TRIM7: variants seen among roughly 807,000 people sequenced by gnomAD.
TRIM7 encodes the protein E3 ubiquitin-protein ligase TRIM7.
In TRIM7, 32 loss-of-function variants were observed where a neutral mutation model predicts 37.9. The ratio of observed to expected loss-of-function variants is 0.84; its 90% CI spans 0.64 to 1.13. The LOEUF (loss-of-function observed/expected upper bound fraction) is 1.13, where lower values mean the gene tolerates loss of function less well. Among genes scored for constraint, TRIM7 ranks in the 50% most tolerant of loss-of-function variants. The probability of loss-of-function intolerance (pLI) is 0.00; values close to 1 mark genes in which losing one functional copy is unlikely to be tolerated. For synonymous variants in TRIM7, 351 were observed against 321.3 expected (o/e 1.09, Z -0.99); for missense variants, 732 against 714.0 (o/e 1.03, Z -0.29).
chr5:181,201,211 G>C (rs1757465704), intron 2 of TRIM7, among the ~76,000 whole-genome samples: 1 of 152,164 alleles, frequency 6.6e-6, no homozygotes, highest in Non-Finnish European at 1.5e-5. Context: ...TGCCTTGTAG[G>C]ACATTTAGCC....
At chr5:181,195,708 A>T in intron 6 of TRIM7, 31 bp from the exon 7 acceptor site, 1 of 1,507,232 alleles carries the variant, frequency 6.6e-7, no homozygotes, top group Non-Finnish European at 8.9e-7. Context: ...AAATGTCCCC[A>T]CGCAGCCAGG....
At position 181,199,941 on chromosome 5, in the gene TRIM7, C is replaced by T. The variant is rs929371157; in HGVS notation, c.759G>A (p.Leu253=). 1 of 1,614,276 alleles carries T rather than the reference C, an allele frequency of 6.2e-7. No homozygotes were observed. Among genetic ancestry groups the T allele is most frequent in the Non-Finnish European group, 8.5e-7 (1 of 1,180,056 alleles). The change falls in exon 3 of 7, where the codon CTG becomes CTA. Residue 253 remains leucine (L), a synonymous_variant. Transcript: ENST00000274773. ...REVAQKQNEN[L]AQLGVEITQL... is the part of the protein sequence containing the mutation. The stretch of plus-strand genomic sequence containing the variant: ...GGGTGATCTCAACCCCGAGCTGGGC[C>T]AGGTTCTCATTCTGCTTCTGTGCCA...
In TRIM7 at chr5:181,195,564, A is replaced by G. The variant is rs1440664975; in HGVS notation, c.1138T>C (p.Phe380Leu). ...GCCAGGACGCGGGTGTTGGTGTCGAAGCGGCAGGGGTGGTTGGGCAGGTCC... is the reference window on the plus strand; with the variant it reads ...GCCAGGACGCGGGTGTTGGTGTCGAGGCGGCAGGGGTGGTTGGGCAGGTCC... ...AQDLPNHPCR[F>L]DTNTRVLASC... Residue 380 changes from phenylalanine (F) to leucine (L), a missense_variant, in exon 7 of 7, where the codon TTC becomes CTC. Transcript: ENST00000274773. The G allele has an allele frequency of 6.2e-7, 1 of 1,610,248 alleles. No individual in the cohort carries two copies. The highest frequency in any genetic ancestry group is 8.5e-7 in the Non-Finnish European group (1 of 1,177,518).
rs761384925 is a variant in TRIM7, at chr5:181,204,709, G to A, written c.402C>T (p.Gly134=). The change falls in exon 1 of 7, where the codon GGC becomes GGT. Residue 134 remains glycine (G), a synonymous_variant. Coordinates refer to ENST00000274773, the MANE Select transcript of TRIM7 (RefSeq NM_203293.3). ...RAAAARCGQH[G]EPFKLYCQDD... Reference sequence around the variant, plus strand: ...CCTGGCAGTAGAGCTTGAAGGGTTCGCCATGCTGCCCGCAGCGGGCAGCCG... The same window carrying A: ...CCTGGCAGTAGAGCTTGAAGGGTTCACCATGCTGCCCGCAGCGGGCAGCCG... 20 of 1,490,644 alleles carry A rather than the reference G, an allele frequency of 1.3e-5. No individual in the cohort carries two copies. The African/African-American group carries it at 2.9e-4, about 22-fold the overall frequency. The allele number at this position is 1,490,644 out of a possible 1,614,324, so 92.3% of individuals were successfully genotyped here. A position where few individuals can be genotyped will look rare whatever the true frequency, so the allele number is the denominator to read the frequency against.
In TRIM7 at chr5:181,199,537, C is replaced by CT. The variant is rs202050748; in HGVS notation, c.849+313dup. 1,963 of 456,888 alleles carry CT rather than the reference C, an allele frequency of 4.3e-3. 11 individuals carry two copies. Among genetic ancestry groups the CT allele is most frequent in the African/African-American group, 0.021 (1,082 of 50,362 alleles). The allele number at this position is 456,888 out of a possible 1,614,324, so 28.3% of individuals were successfully genotyped here. The stretch of plus-strand genomic sequence containing the variant: ...GTGAAGTTTATCTAGTTGTTTATAA[C>CT]TTTTTTTTTAGCGAAATAGAATAGA... On this transcript the variant is annotated intron_variant, in intron 3 of 6. Coordinates refer to ENST00000274773, the MANE Select transcript of TRIM7 (RefSeq NM_203293.3).
At chr5:181,202,720 C>G (rs1375195694) in intron 2 of TRIM7, 1 of 151,698 alleles carries the variant, frequency 6.6e-6, no homozygotes, top group East Asian at 1.9e-4. Context: ...GCGCCCGCCA[C>G]CACGCCCGGC....
chr5:181,205,006 G>T lies in TRIM7; in HGVS notation c.105C>A (p.Leu35=). Residue 35 remains leucine (L), a synonymous_variant, in exon 1 of 7, where the codon CTC becomes CTA. Transcript: ENST00000274773. ...ACTCGACGGACACCGGCTCACGAAA[G>T]AGCTCTAGGCAGATGGAGCACGTCG... ...GEATCSICLE[L]FREPVSVECG... The T allele has an allele frequency of 6.7e-7, 1 of 1,487,346 alleles. No individual in the cohort carries two copies. Among genetic ancestry groups the T allele is most frequent in the Non-Finnish European group, 8.9e-7 (1 of 1,127,154 alleles). The allele number at this position is 1,487,346 out of a possible 1,614,324, so 92.1% of individuals were successfully genotyped here.
chr5:181,204,869 C>T lies in TRIM7; in HGVS notation c.242G>A (p.Cys81Tyr), dbSNP rs1203855120. The T allele has an allele frequency of 1.3e-5, 17 of 1,347,150 alleles. No individual in the cohort carries two copies. Among genetic ancestry groups the T allele is most frequent in the Non-Finnish European group, 1.6e-5 (17 of 1,059,628 alleles). 83.4% of individuals were successfully genotyped at this position (1,347,150 alleles called of 1,614,324 possible). The stretch of plus-strand genomic sequence containing the variant: ...CTGACTGGGGCGCGCGGGCTCGCGG[C>T]ACTGCGGACAGGGCAGTGGGAAGGG... ...APPFPLPCPQ[C>Y]REPARPSQLR... Residue 81 changes from cysteine to tyrosine, a missense_variant, in exon 1 of 7, where the codon TGC (cysteine) becomes TAC (tyrosine). Physicochemically the swap from Cys to Tyr is radical, Grantham distance 194 (BLOSUM62 -2). Coordinates refer to ENST00000274773, the MANE Select transcript of TRIM7 (RefSeq NM_203293.3).
intron 2 of TRIM7, among the ~76,000 whole-genome samples, chr5:181,201,716 ACT>A (rs1310747533): frequency 4.6e-5 from 7 of 152,168 alleles, no homozygotes; most frequent in African/African-American, 1.7e-4. Context: ...ACAAAGTGAG[ACT>A]CTGTCTAAAA....
intron 3 of TRIM7, 136 bp from the exon 4 acceptor site, chr5:181,199,253 C>T: frequency 1.0e-6 from 1 of 999,818 alleles, no homozygotes; most frequent in South Asian, 1.4e-5. Flanking sequence ...CCTGCGTGGG[C>T]CTCAGGGGCA....
intron 4 of TRIM7, 100 bp downstream of exon 4, chr5:181,198,995 A>G: frequency 6.6e-7 from 1 of 1,504,622 alleles, no homozygotes; most frequent in South Asian, 1.1e-5. Context: ...AAGTCGGGGG[A>G]TCAGGAGGTG....
intron 1 of TRIM7, chr5:181,203,913 C>T (rs111630510): frequency 7.6e-6 from 9 of 1,189,962 alleles, no homozygotes; most frequent in South Asian, 2.6e-5. Context: ...TCTCCGCCCC[C>T]CCACCAGGAA....
rs763485095 is a variant in TRIM7 at position 181,195,604 on chromosome 5, G to A, written c.1098C>T (p.Leu366=). 6 of 1,586,522 alleles carry A rather than the reference G, an allele frequency of 3.8e-6. No individual in the cohort carries two copies. The South Asian group carries it at 4.5e-5, about 12-fold the overall frequency. ...TGGGCAGGTCCTGGGCCCGCTCGCCGAGGCGCACGCCCTTAAGATCCAGAG... is the reference window on the plus strand; with the variant it reads ...TGGGCAGGTCCTGGGCCCGCTCGCCAAGGCGCACGCCCTTAAGATCCAGAG... The part of the protein sequence containing the change: ...ILSLDLKGVR[L]GERAQDLPNH... Residue 366 remains leucine (L), a synonymous_variant, in exon 7 of 7, where the codon CTC becomes CTT. Coordinates refer to ENST00000274773, the MANE Select transcript of TRIM7 (RefSeq NM_203293.3).
Position 181,195,047 on chromosome 5 carries a change from T to C in TRIM7, c.*119A>G, listed in dbSNP as rs1757005090. The C allele has an allele frequency of 7.6e-7, 1 of 1,313,862 alleles. No individual in the cohort carries two copies. The highest frequency in any genetic ancestry group is 1.5e-5 in the African/African-American group (1 of 67,032). 81.4% of individuals were successfully genotyped at this position (1,313,862 alleles called of 1,614,324 possible). A position where few individuals can be genotyped will look rare whatever the true frequency, so the allele number is the denominator to read the frequency against. The stretch of plus-strand genomic sequence containing the variant: ...TCGGGGTTGTGTCTGTAGCAGGCTC[T>C]CTTGGGCAGCAGGGGTCAGGAGCAC... On this transcript the variant is annotated 3_prime_UTR_variant, in exon 7 of 7. Transcript: ENST00000274773.
At chr5:181,203,105 T>G (rs1757607773) in intron 2 of TRIM7, 1 of 265,266 alleles carries the variant, frequency 3.8e-6, no homozygotes, top group Non-Finnish European at 6.0e-6. Flanking sequence ...ATAAAAACAC[T>G]GTGAACATGA....
chr5:181,203,916 A>T (rs1561652005), intron 1 of TRIM7: 1 of 1,177,974 alleles, frequency 8.5e-7, no homozygotes, highest in South Asian at 2.7e-5. Context: ...CCGCCCCCCC[A>T]CCAGGAAGCC....
chr5:181,200,446 C>T (rs1015432145), intron 2 of TRIM7: 2 of 1,219,436 alleles, frequency 1.6e-6, no homozygotes, highest in Admixed American at 8.1e-5. Context: ...TAGGATTAAA[C>T]TGAGATTGCT....
At chr5:181,195,725 G>A in intron 6 of TRIM7, 48 bp from the exon 7 acceptor site, 1 of 1,506,292 alleles carries the variant, frequency 6.6e-7, no homozygotes, top group Non-Finnish European at 8.9e-7. Flanking sequence ...CAGGCCCCTG[G>A]CACAGTCTTT....
intron 5 of TRIM7, 72 bp downstream of exon 5, chr5:181,198,618 G>T: frequency 9.6e-7 from 1 of 1,041,840 alleles, no homozygotes; most frequent in Non-Finnish European, 1.5e-6. Context: ...GCACACCCAG[G>T]GACCCCTGAG....
Sources: allele counts gnomAD v4.1 joint callset (sites outside exome capture counted in the v4.1 genomes callset), GRCh38; gene constraint gnomAD v4.1.1; transcripts MANE v1.5; gene names NCBI Gene and HGNC (gene_info 2026-07-23, HGNC 2026-07-21).